Variants in OXR1 observed in about 807,000 individuals in gnomAD.
The protein encoded by OXR1 is oxidation resistance 1.
A neutral mutation model predicts 104.6 loss-of-function variants in OXR1; 41 were observed. That is an observed-to-expected ratio of 0.39 (90% CI 0.31 to 0.51). The LOEUF is 0.51. OXR1 is among the 20% of genes least tolerant of loss of function. The probability of loss-of-function intolerance (pLI) is 0.77; values close to 1 mark genes in which losing one functional copy is unlikely to be tolerated. For synonymous variants in OXR1, 348 were observed against 348.4 expected (o/e 1.00, Z 0.01); for missense variants, 955 against 1,031.9 (o/e 0.93, Z 1.02).
intron 2 of OXR1, among the ~76,000 whole-genome samples, chr8:106,464,166 T>C (rs1052308885): frequency 2.6e-5 from 4 of 152,208 alleles, no homozygotes; most frequent in Non-Finnish European, 4.4e-5. Context: ...AGAATCTTCA[T>C]AGAAAGGTAC....
Position 106,546,464 on chromosome 8 carries a change from A to G in OXR1, c.220+27325A>G, listed in dbSNP as rs766758764. On this transcript the variant is annotated intron_variant, in intron 3 of 16. Coordinates refer to ENST00000517566, the MANE Select transcript of OXR1 (RefSeq NM_001198533.2). ...ATGTGTCTGAGACAGGTCTCAATCA[A>G]TTTAGAAGTTTATTTTGCCAAGGTA... Among the ~76,000 whole-genome samples the G allele has an allele frequency of 3.3e-5, 5 of 152,324 alleles. No individual in the cohort carries two copies. In the East Asian group the frequency reaches 7.7e-4, roughly 23 times the overall value.
intron 1 of OXR1, among the ~76,000 whole-genome samples, chr8:106,334,000 T>C (rs1814845745): frequency 6.6e-6 from 1 of 152,186 alleles, no homozygotes; most frequent in Non-Finnish European, 1.5e-5. Flanking sequence ...GTAAAAAAGA[T>C]AAAAGGCAGT....
chr8:106,451,395 A>G (rs1331989476), intron 2 of OXR1, among the ~76,000 whole-genome samples: 7 of 152,216 alleles, frequency 4.6e-5, no homozygotes, highest in Non-Finnish European at 2.9e-5. Flanking sequence ...TTATCTGTAG[A>G]ATACATTATA....
At chr8:106,706,357 T>G in intron 8 of OXR1, 25 bp from the exon 9 acceptor site, 1 of 1,506,008 alleles carries the variant, frequency 6.6e-7, no homozygotes, top group Non-Finnish European at 8.9e-7. Flanking sequence ...AAAGTCTAAT[T>G]ATTTTTAATT....
At chr8:106,673,744 A>G (rs761819019) in intron 3 of OXR1, among the ~76,000 whole-genome samples, 1 of 152,138 alleles carries the variant, frequency 6.6e-6, no homozygotes, top group Non-Finnish European at 1.5e-5. Flanking sequence ...GTGCAGTTTC[A>G]GGACACAGTG....
chr8:106,493,613 C>T (rs1218537982), intron 2 of OXR1, among the ~76,000 whole-genome samples: 5 of 151,668 alleles, frequency 3.3e-5, no homozygotes, highest in African/African-American at 1.2e-4. Context: ...TACGTTTTTG[C>T]TCTTTTGGGA....
intron 2 of OXR1, among the ~76,000 whole-genome samples, chr8:106,366,063 GGTCATAA>G (rs1816456325): frequency 6.6e-6 from 1 of 152,002 alleles, no homozygotes; most frequent in Admixed American, 6.6e-5. Flanking sequence ...ACTTGCCATT[GGTCATAA>G]GTCATTAGAA....
intron 2 of OXR1, among the ~76,000 whole-genome samples, chr8:106,481,995 G>GA (rs1315133193): frequency 3.3e-5 from 5 of 151,898 alleles, no homozygotes; most frequent in African/African-American, 1.2e-4. Context: ...GAGTACACAT[G>GA]AAAAAATGAC....
chr8:106,481,209 A>G (rs576143427), intron 2 of OXR1, among the ~76,000 whole-genome samples: 7 of 152,138 alleles, frequency 4.6e-5, no homozygotes, highest in East Asian at 3.9e-4. Flanking sequence ...GTTGTCACAC[A>G]TAAGACCCTT....
In OXR1 at chr8:106,519,134, C is replaced by A; in HGVS notation, c.215C>A (p.Thr72Lys). 6.5e-7 allele frequency: 1 copy of A among 1,548,458 alleles called. No individual in the cohort carries two copies. The highest frequency in any genetic ancestry group is 8.7e-7 in the Non-Finnish European group (1 of 1,144,132). Reference protein sequence around the residue: ...SRRSELKRFYTIDTGQKKTLD... With the variant: ...SRRSELKRFYKIDTGQKKTLD... ...AGGAGCGAACTGAAGAGGTTCTACA[C>A]AATTGGTGAGCACCAGATGTTTTAT... The change falls in exon 3 of 17, where the codon ACA (threonine) becomes AAA (lysine). Residue 72 changes from threonine to lysine, a missense_variant. This residue lies in a region of OXR1 where 849 missense variants were observed against 852.9 expected (regional missense o/e 1.00). Coordinates refer to ENST00000517566, the MANE Select transcript of OXR1 (RefSeq NM_001198533.2).
At chr8:106,636,874 C>T (rs746500631) in intron 3 of OXR1, among the ~76,000 whole-genome samples, 1 of 152,036 alleles carries the variant, frequency 6.6e-6, no homozygotes, top group African/African-American at 2.4e-5. Context: ...TATAGGAAGC[C>T]GCATTCTTAG....
At chr8:106,371,372 G>C (rs1224713279) in intron 2 of OXR1, among the ~76,000 whole-genome samples, 1 of 151,150 alleles carries the variant, frequency 6.6e-6, no homozygotes, top group African/African-American at 2.4e-5. Flanking sequence ...GATTTTTTTG[G>C]AGGGTTTTTT....
intron 16 of OXR1, among the ~76,000 whole-genome samples, chr8:106,747,147 A>G (rs1343201568): frequency 6.6e-6 from 1 of 152,212 alleles, no homozygotes; most frequent in Non-Finnish European, 1.5e-5. Flanking sequence ...GACTTAATGT[A>G]GGCTTTGGAG....
intron 3 of OXR1, among the ~76,000 whole-genome samples, chr8:106,655,149 T>C (rs1402775564): frequency 6.6e-6 from 1 of 151,604 alleles, no homozygotes; most frequent in Non-Finnish European, 1.5e-5. Flanking sequence ...GACTGGGGAG[T>C]GACTACAGAT....
intron 3 of OXR1, among the ~76,000 whole-genome samples, chr8:106,596,671 T>C (rs1819546644): frequency 6.6e-6 from 1 of 151,314 alleles, no homozygotes; most frequent in South Asian, 2.1e-4. Context: ...AGAGAGGAGG[T>C]TGGTGTTTTT....
chr8:106,463,360 A>G (rs1301631265), intron 2 of OXR1, among the ~76,000 whole-genome samples: 2 of 152,112 alleles, frequency 1.3e-5, no homozygotes. Context: ...TCAGGTATCA[A>G]TCGAAGGCAG....
chr8:106,283,395 C>T (rs1812368488), intron 1 of OXR1, among the ~76,000 whole-genome samples: 1 of 152,166 alleles, frequency 6.6e-6, no homozygotes, highest in African/African-American at 2.4e-5. Context: ...GGTTCAACCT[C>T]ATGTGTCTGT....
intron 2 of OXR1, among the ~76,000 whole-genome samples, chr8:106,410,234 A>G (rs1239612733): frequency 6.6e-6 from 1 of 152,142 alleles, no homozygotes; most frequent in Non-Finnish European, 1.5e-5. Context: ...CCCTTTAAGC[A>G]TATTTTTGGC....
chr8:106,335,061 T>TA (rs1380303097), intron 1 of OXR1, among the ~76,000 whole-genome samples: 2 of 151,910 alleles, frequency 1.3e-5, no homozygotes, highest in African/African-American at 4.8e-5. Flanking sequence ...CACACATCCT[T>TA]ACTCCTTTAA....
Sources: allele counts gnomAD v4.1 joint callset (sites outside exome capture counted in the v4.1 genomes callset), GRCh38; gene constraint gnomAD v4.1.1; regional missense constraint gnomAD v4.1.1; transcripts MANE v1.5; gene names NCBI Gene and HGNC (gene_info 2026-07-23, HGNC 2026-07-21).